The following HS3ST5 variants were observed in gnomAD, a reference collection of about 807,000 sequenced individuals.
HS3ST5 encodes heparan sulfate-glucosamine 3-sulfotransferase 5.
HS3ST5 carries 10 observed loss-of-function variants against 25.4 expected under a neutral mutation model. The ratio of observed to expected loss-of-function variants is 0.39; its 90% confidence interval spans 0.24 to 0.67. HS3ST5 has a LOEUF of 0.67. Ranked by LOEUF, HS3ST5 falls within the 30% of genes least tolerant of loss-of-function variation. The pLI is 0.44. For missense variants in HS3ST5, 324 were observed against 420.7 expected (o/e 0.77, Z 2.01); for synonymous variants, 170 against 162.4 (o/e 1.05, Z -0.36).
intron 1 of HS3ST5, among the ~76,000 whole-genome samples, chr6:114,301,419 G>C (rs1042976531): frequency 6.6e-6 from 1 of 152,120 alleles, no homozygotes; most frequent in South Asian, 2.1e-4. Context: ...TCAAACACTT[G>C]TTGTCTTAGC....
At chr6:114,132,256 C>T (rs1777372380) in intron 3 of HS3ST5, 1 of 152,146 alleles carries the variant, frequency 6.6e-6, no homozygotes, top group Non-Finnish European at 1.5e-5. Flanking sequence ...CAAAGGAAAC[C>T]TTCATTTTAT....
intron 2 of HS3ST5, among the ~76,000 whole-genome samples, chr6:114,174,413 C>T (rs1358863473): frequency 1.3e-5 from 2 of 151,332 alleles, no homozygotes; most frequent in Non-Finnish European, 3.0e-5. Flanking sequence ...ATTTTTTTTA[C>T]TGTTAATCTC....
chr6:114,275,543 C>T (rs553391750), intron 1 of HS3ST5, among the ~76,000 whole-genome samples: 1 of 152,080 alleles, frequency 6.6e-6, no homozygotes, highest in African/African-American at 2.4e-5. Context: ...TGGCTCCCAA[C>T]TAAAACAAGG....
intron 1 of HS3ST5, among the ~76,000 whole-genome samples, chr6:114,320,138 A>T (rs998308629): frequency 4.3e-4 from 66 of 152,076 alleles, no homozygotes; most frequent in Non-Finnish European, 8.8e-5. Context: ...CTGCACTGTT[A>T]TTGGGACTCT....
At chr6:114,186,122 T>C (rs1780206273) in intron 2 of HS3ST5, among the ~76,000 whole-genome samples, 2 of 151,968 alleles carry the variant, frequency 1.3e-5, no homozygotes, top group Admixed American at 6.6e-5. Flanking sequence ...GCGAGACACA[T>C]TAGTATTAAA....
At chr6:114,319,320 T>A (rs1484677588) in intron 1 of HS3ST5, among the ~76,000 whole-genome samples, 1 of 152,200 alleles carries the variant, frequency 6.6e-6, no homozygotes, top group Non-Finnish European at 1.5e-5. Context: ...CTCCTGGGAA[T>A]GATTCTACAG....
At chr6:114,214,623 C>A (rs1337532334) in intron 2 of HS3ST5, among the ~76,000 whole-genome samples, 3 of 152,154 alleles carry the variant, frequency 2.0e-5, no homozygotes, top group Non-Finnish European at 2.9e-5. Context: ...AGGACAGTAA[C>A]AAAATCTGCA....
At chr6:114,188,039 C>T (rs1160367637) in intron 2 of HS3ST5, among the ~76,000 whole-genome samples, 1 of 152,168 alleles carries the variant, frequency 6.6e-6, no homozygotes, top group Non-Finnish European at 1.5e-5. Flanking sequence ...GTAAACTTAA[C>T]TTTTATATGT....
At position 114,128,450 on chromosome 6, in the gene HS3ST5, C is replaced by A. The variant is rs545915343; in HGVS notation, c.-33+39901G>T. ...GTTGATTGCCTGTCTACATGTCAGGCACTTTTCCAAGGCCTGGGGATATAC... is the reference window on the plus strand; with the variant it reads ...GTTGATTGCCTGTCTACATGTCAGGAACTTTTCCAAGGCCTGGGGATATAC... On this transcript the variant is annotated intron_variant, in intron 3 of 4. Coordinates refer to ENST00000312719, the MANE Select transcript of HS3ST5 (RefSeq NM_153612.4). Among the ~76,000 whole-genome samples the A allele has an allele frequency of 3.6e-5, 5 of 140,118 alleles. No homozygotes were observed. In the South Asian group the frequency reaches 1.1e-3, roughly 30 times the overall value. The allele number at this position is 140,118 out of a possible 152,430, so 91.9% of individuals were successfully genotyped here. A position where few individuals can be genotyped will look rare whatever the true frequency, so the allele number is the denominator to read the frequency against.
intron 1 of HS3ST5, among the ~76,000 whole-genome samples, chr6:114,333,572 A>T: frequency 6.6e-6 from 1 of 152,150 alleles, no homozygotes; most frequent in Non-Finnish European, 1.5e-5. Flanking sequence ...TATGAAGATA[A>T]GATAAACAAC....
chr6:114,206,503 G>A (rs1390095918), intron 2 of HS3ST5, among the ~76,000 whole-genome samples: 3 of 151,978 alleles, frequency 2.0e-5, no homozygotes, highest in African/African-American at 7.2e-5. Context: ...ACTCAGTTTT[G>A]GGATGCAGAA....
intron 3 of HS3ST5, among the ~76,000 whole-genome samples, chr6:114,127,590 A>T (rs1051143448): frequency 1.3e-5 from 2 of 152,196 alleles, no homozygotes; most frequent in Non-Finnish European, 2.9e-5. Context: ...GAGAACTATC[A>T]AAATTACCTG....
At chr6:114,331,215 C>G (rs762648044) in intron 1 of HS3ST5, among the ~76,000 whole-genome samples, 9 of 152,144 alleles carry the variant, frequency 5.9e-5, no homozygotes, top group Non-Finnish European at 1.3e-4. Context: ...TATTGGTAAT[C>G]AGAAAGCTAC....
intron 3 of HS3ST5, among the ~76,000 whole-genome samples, chr6:114,149,789 G>T (rs971028021): frequency 1.3e-5 from 2 of 151,984 alleles, no homozygotes; most frequent in Non-Finnish European, 2.9e-5. Flanking sequence ...TAAATCTGAG[G>T]TATATCACCA....
At chr6:114,290,656 T>TTTGA (rs1774536253) in intron 1 of HS3ST5, among the ~76,000 whole-genome samples, 1 of 152,180 alleles carries the variant, frequency 6.6e-6, no homozygotes, top group Non-Finnish European at 1.5e-5. Context: ...CCAGATGGTA[T>TTTGA]ATCAGAGTTG....
intron 1 of HS3ST5, chr6:114,251,618 C>G (rs2114628784): frequency 6.6e-6 from 1 of 152,270 alleles, no homozygotes; most frequent in East Asian, 1.9e-4. Context: ...TATCTAATCT[C>G]CAGGCCACAC....
At position 114,179,534 on chromosome 6, in the gene HS3ST5, A is replaced by G. The variant is rs532684142; in HGVS notation, c.-144-11072T>C. On this transcript the variant is annotated intron_variant, in intron 2 of 4. Coordinates refer to ENST00000312719, the MANE Select transcript of HS3ST5 (RefSeq NM_153612.4). Reference sequence around the variant, plus strand: ...AGGAAGTTAACCTAGTTTAATTCCAAATTTACTTACTATGCTAAATACTGG... The same window carrying G: ...AGGAAGTTAACCTAGTTTAATTCCAGATTTACTTACTATGCTAAATACTGG... 1.4e-4 allele frequency among the ~76,000 whole-genome samples: 22 copies of G among 152,262 alleles called. No individual in the cohort carries two copies. In the South Asian group the frequency reaches 3.9e-3, roughly 27 times the overall value.
At chr6:114,111,957 C>T (rs1776288604) in intron 3 of HS3ST5, among the ~76,000 whole-genome samples, 1 of 152,170 alleles carries the variant, frequency 6.6e-6, no homozygotes, top group African/African-American at 2.4e-5. Flanking sequence ...CACTCCTTTA[C>T]ATGACTAGTG....
In HS3ST5 at chr6:114,186,811, G is replaced by A. The variant is rs143425045; in HGVS notation, c.-144-18349C>T. On this transcript the variant is annotated intron_variant, in intron 2 of 4. Coordinates refer to ENST00000312719, the MANE Select transcript of HS3ST5 (RefSeq NM_153612.4). Reference sequence around the variant, plus strand: ...AACTTCAAAGACTAGACTGCCTCTCGTATTAGGGGCTAATGACTTTATTTT... The same window carrying A: ...AACTTCAAAGACTAGACTGCCTCTCATATTAGGGGCTAATGACTTTATTTT... Among the ~76,000 whole-genome samples the A allele has an allele frequency of 1.4e-3, 213 of 152,292 alleles. 1 individual carries two copies. The East Asian group carries it at 0.014, about 10-fold the overall frequency.
Sources: allele counts gnomAD v4.1 joint callset (sites outside exome capture counted in the v4.1 genomes callset), GRCh38; gene constraint gnomAD v4.1.1; transcripts MANE v1.5; gene names NCBI Gene and HGNC (gene_info 2026-07-23, HGNC 2026-07-21).